Variants in MYH9 observed in about 807,000 individuals in gnomAD.
MYH9 encodes the protein myosin-9.
MYH9 carries 29 observed loss-of-function variants against 241.9 expected under a neutral mutation model. The observed-to-expected ratio is 0.12, with a 90% confidence interval of 0.09 to 0.16. The LOEUF (loss-of-function observed/expected upper bound fraction) is 0.16. Ranked by LOEUF, MYH9 falls within the 10% of genes least tolerant of loss-of-function variation. MYH9 has a pLI of 1.00. For synonymous variants in MYH9, 1,047 were observed against 1,062.6 expected (o/e 0.99, Z 0.29); for missense variants, 1,803 against 2,595.5 (o/e 0.69, Z 6.63).
intron 10 of MYH9, among the ~76,000 whole-genome samples, chr22:36,318,528 C>T (rs910342628): frequency 1.2e-4 from 19 of 152,318 alleles, no homozygotes; most frequent in African/African-American, 4.6e-4. Context: ...CCTAGCACCC[C>T]CCAGACTCAG....
Position 36,295,777 on chromosome 22 carries a change from T to C in MYH9, c.3273-60A>G. On this transcript the variant is annotated intron_variant, in intron 25 of 40. Transcript: ENST00000216181. The surrounding 1 kb of genome is among the most constrained non-coding windows in gnomAD (Gnocchi z 4.1). The stretch of plus-strand genomic sequence containing the variant: ...AGTTTCACCTCCAAGGAGCAGAGTT[T>C]GCAGGACAGGCCTGAGAGAGCTGCA... 1.3e-6 allele frequency: 2 copies of C among 1,508,304 alleles called. No homozygotes were observed. The highest frequency in any genetic ancestry group is 1.8e-6 in the Non-Finnish European group (2 of 1,103,312). The allele number at this position is 1,508,304 out of a possible 1,614,324, so 93.4% of individuals were successfully genotyped here.
rs1183952026 is a variant in MYH9, at chr22:36,285,999, A to G, written c.5062-46T>C. The G allele has an allele frequency of 3.7e-6, 6 of 1,600,490 alleles. No individual in the cohort carries two copies. Among genetic ancestry groups the G allele is most frequent in the Non-Finnish European group, 5.1e-6 (6 of 1,176,534 alleles). ...GTGACCTAAAGGCAGCCACAGCCCC[A>G]CAAGACCATCCTTCCCAGCCCCAGG... On this transcript the variant is annotated intron_variant, in intron 35 of 40. Transcript: ENST00000216181. This position sits in a 1 kb window ranked among gnomAD's most constrained non-coding sequence, Gnocchi z 7.0.
rs902013680 is a variant in MYH9 at position 36,285,547 on chromosome 22, G to C, written c.5274+111C>G. 5.2e-6 allele frequency: 8 copies of C among 1,531,820 alleles called. No individual in the cohort carries two copies. The Admixed American group carries it at 7.3e-5, about 14-fold the overall frequency. 94.9% of individuals were successfully genotyped at this position (1,531,820 alleles called of 1,614,324 possible). A position where few individuals can be genotyped will look rare whatever the true frequency, so the allele number is the denominator to read the frequency against. ...GGTGCCTGGACATTTTCCCCTAAGCGCCTGGGGAGCAGCTGGCACTTGGCC... is the reference window on the plus strand; with the variant it reads ...GGTGCCTGGACATTTTCCCCTAAGCCCCTGGGGAGCAGCTGGCACTTGGCC... On this transcript the variant is annotated intron_variant, in intron 37 of 40. Coordinates refer to ENST00000216181, the MANE Select transcript of MYH9 (RefSeq NM_002473.6). This position sits in a 1 kb window ranked among gnomAD's most constrained non-coding sequence, Gnocchi z 7.0.
intron 27 of MYH9, 114 bp from the exon 28 acceptor site, chr22:36,294,412 G>T: frequency 8.9e-7 from 1 of 1,127,396 alleles, no homozygotes; most frequent in Non-Finnish European, 1.3e-6. Context: ...CCTGACGACG[G>T]TGTGCCTGCG....
Position 36,335,630 on chromosome 22 carries a change from G to A in MYH9, c.490+5740C>T, listed in dbSNP as rs567545904. The stretch of plus-strand genomic sequence containing the variant: ...CAGTTCCACAGGAGACACAACTAGC[G>A]GGGCAGGGAGAATGTGGAGAGAAGG... On this transcript the variant is annotated intron_variant, in intron 3 of 40. Coordinates refer to ENST00000216181, the MANE Select transcript of MYH9 (RefSeq NM_002473.6). Among the ~76,000 whole-genome samples the A allele has an allele frequency of 4.6e-5, 7 of 152,336 alleles. No homozygotes were observed. In the South Asian group the frequency reaches 1.0e-3, roughly 23 times the overall value.
chr22:36,300,036 A>G lies in MYH9; in HGVS notation c.2976+91T>C. On this transcript the variant is annotated intron_variant, in intron 23 of 40. Coordinates refer to ENST00000216181, the MANE Select transcript of MYH9 (RefSeq NM_002473.6). This position sits in a 1 kb window ranked among gnomAD's most constrained non-coding sequence, Gnocchi z 5.0. Reference sequence around the variant, plus strand: ...GCAGGCAGAAGAGACAGGAAGCAGCAGCAGCGGGGAGCCAGGCCCTGCAAG... The same window carrying G: ...GCAGGCAGAAGAGACAGGAAGCAGCGGCAGCGGGGAGCCAGGCCCTGCAAG... 1 of 1,551,064 alleles carries G rather than the reference A, an allele frequency of 6.4e-7. No homozygotes were observed. The highest frequency in any genetic ancestry group is 1.1e-5 in the South Asian group (1 of 89,966).
rs924527643 is a variant in MYH9 at position 36,293,934 on chromosome 22, T to C, written c.3838-71A>G. 11 of 1,481,832 alleles carry C rather than the reference T, an allele frequency of 7.4e-6. No individual in the cohort carries two copies. The African/African-American group carries it at 1.4e-4, about 19-fold the overall frequency. 91.8% of individuals were successfully genotyped at this position (1,481,832 alleles called of 1,614,324 possible). The stretch of plus-strand genomic sequence containing the variant: ...TGCTCCTGCCCCACCTCATCTCCTT[T>C]AGGTAAAGCTGGACCTGAGTCACAA... On this transcript the variant is annotated intron_variant, in intron 28 of 40. Coordinates refer to ENST00000216181, the MANE Select transcript of MYH9 (RefSeq NM_002473.6). This position sits in a 1 kb window ranked among gnomAD's most constrained non-coding sequence, Gnocchi z 5.1.
chr22:36,343,557 A>G (rs993292437), intron 2 of MYH9, among the ~76,000 whole-genome samples: 12 of 151,158 alleles, frequency 7.9e-5, no homozygotes, highest in Admixed American at 7.3e-4. Flanking sequence ...TTAAAAAAAA[A>G]AAAAAAAAAA....
At chr22:36,333,635 C>A (rs1189176007) in intron 3 of MYH9, among the ~76,000 whole-genome samples, 1 of 152,240 alleles carries the variant, frequency 6.6e-6, no homozygotes, top group Non-Finnish European at 1.5e-5. Context: ...TTTATACCTG[C>A]AGCTTTTCAG....
At chr22:36,308,531 C>T (rs997527825) in intron 15 of MYH9, among the ~76,000 whole-genome samples, 1 of 152,038 alleles carries the variant, frequency 6.6e-6, no homozygotes, top group Non-Finnish European at 1.5e-5. Flanking sequence ...GCCTCAGCCT[C>T]CCAGATTGCT....
chr22:36,320,747 G>C lies in MYH9; in HGVS notation c.868+51C>G. 6.7e-7 allele frequency: 1 copy of C among 1,491,460 alleles called. No individual in the cohort carries two copies. The allele number at this position is 1,491,460 out of a possible 1,614,324, so 92.4% of individuals were successfully genotyped here. On this transcript the variant is annotated intron_variant, in intron 8 of 40. Transcript: ENST00000216181. The surrounding 1 kb of genome is among the most constrained non-coding windows in gnomAD (Gnocchi z 4.8). ...GATGTCTACGGTCCAATTCTGGCAA[G>C]AGGCCCAGAGCCCGGCAGCCCCGGT...
Position 36,294,125 on chromosome 22 carries a change from G to A in MYH9, c.3804C>T (p.Arg1268=), listed in dbSNP as rs1021718071. 13 of 1,610,960 alleles carry A rather than the reference G, an allele frequency of 8.1e-6. No homozygotes were observed. Among genetic ancestry groups the A allele is most frequent in the African/African-American group, 1.3e-5 (1 of 74,930 alleles). ...TGGTGACCTTGTCGGCCAGCTCTGT[G>A]CGCACGCGCTCTCCCTCGTTGAACT... ...QVKFNEGERV[R]TELADKVTKL... Residue 1268 remains arginine, a synonymous_variant, in exon 28 of 41, where the codon CGC becomes CGT. Coordinates refer to ENST00000216181, the MANE Select transcript of MYH9 (RefSeq NM_002473.6).
At chr22:36,364,275 T>A (rs991377558) in intron 1 of MYH9, among the ~76,000 whole-genome samples, 2 of 152,182 alleles carry the variant, frequency 1.3e-5, no homozygotes, top group African/African-American at 4.8e-5. Context: ...CCTCTAGTCC[T>A]GCAGGGCTGA....
chr22:36,386,664 A>G (rs2018355857), intron 1 of MYH9, among the ~76,000 whole-genome samples: 1 of 152,044 alleles, frequency 6.6e-6, no homozygotes, highest in Admixed American at 6.6e-5. Context: ...CTTCCCAAGG[A>G]GTCTTCTCTC....
Position 36,330,867 on chromosome 22 carries a change from G to GA in MYH9, c.491-3380dup, listed in dbSNP as rs201370834. Among the ~76,000 whole-genome samples the GA allele has an allele frequency of 5.5e-3, 832 of 152,222 alleles. 9 individuals carry two copies. Among genetic ancestry groups the GA allele is most frequent in the African/African-American group, 0.019 (798 of 41,526 alleles). ...CTGGGACACGAGCCCCCTGCCAGAT[G>GA]AAAGTCTAGCCGTGGTAGGCGCCTG... is the stretch of plus-strand genomic sequence containing the variant. On this transcript the variant is annotated intron_variant, in intron 3 of 40. Coordinates refer to ENST00000216181, the MANE Select transcript of MYH9 (RefSeq NM_002473.6). The surrounding 1 kb of genome is among the most constrained non-coding windows in gnomAD (Gnocchi z 4.5).
chr22:36,385,093 C>T (rs2146432716), intron 1 of MYH9, among the ~76,000 whole-genome samples: 1 of 152,086 alleles, frequency 6.6e-6, no homozygotes, highest in East Asian at 1.9e-4. Flanking sequence ...ATTACGACGA[C>T]ACACAGATTT....
chr22:36,332,630 T>A (rs1220308856), intron 3 of MYH9, among the ~76,000 whole-genome samples: 2 of 112,706 alleles, frequency 1.8e-5, no homozygotes, highest in African/African-American at 7.1e-5. Context: ...AGAGAATGGG[T>A]AGCCCTCCCC....
At chr22:36,289,361 GC>G in intron 31 of MYH9, 64 bp from the exon 32 acceptor site, 1 of 1,488,050 alleles carries the variant, frequency 6.7e-7, no homozygotes, top group South Asian at 1.2e-5. Context: ...GGGCAGCTGG[GC>G]CTAAGCTCCC....
At chr22:36,340,173 G>C (rs959696285) in intron 3 of MYH9, among the ~76,000 whole-genome samples, 5 of 151,406 alleles carry the variant, frequency 3.3e-5, no homozygotes, top group African/African-American at 1.2e-4. Context: ...TATTAGGCTA[G>C]TGCAAAAGTA....
Sources: gnomAD v4.1 joint callset for allele counts (sites outside exome capture counted in the v4.1 genomes callset) on GRCh38, gnomAD v4.1.1 for gene constraint, Gnocchi (gnomAD v3.1) non-coding constraint, MANE v1.5 for transcripts, NCBI Gene and HGNC (gene_info 2026-07-23, HGNC 2026-07-21) for gene names.